The following ABCB5 variants were observed in gnomAD, a reference collection of about 807,000 sequenced individuals.
ABCB5 encodes ATP binding cassette subfamily B member 5.
Under a neutral mutation model 144.2 loss-of-function variants are expected in ABCB5, and 155 were observed. The observed-to-expected ratio is 1.08, with a 90% CI of 0.94 to 1.23. The LOEUF (loss-of-function observed/expected upper bound fraction) is 1.23, where lower values mean the gene tolerates loss of function less well. Ranked by LOEUF, ABCB5 falls within the 50% of genes most tolerant of loss-of-function variation. ABCB5 has a pLI of 0.00. For missense variants in ABCB5, 1,830 were observed against 1,520.8 expected (o/e 1.20, Z -3.38); for synonymous variants, 610 against 528.6 (o/e 1.15, Z -2.11).
At chr7:20,686,945 T>G (rs1014087148) in intron 16 of ABCB5, among the ~76,000 whole-genome samples, 5 of 152,188 alleles carry the variant, frequency 3.3e-5, no homozygotes, top group African/African-American at 4.8e-5. Flanking sequence ...GCTTTTAATT[T>G]TAGCTACAAC....
intron 23 of ABCB5, among the ~76,000 whole-genome samples, chr7:20,731,057 T>TA (rs113166246): frequency 6.0e-5 from 9 of 150,766 alleles, no homozygotes; most frequent in Non-Finnish European, 8.9e-5. Flanking sequence ...ATCACACCTA[T>TA]AAAAAAAAAT....
chr7:20,704,913 A>C (rs948588861), intron 20 of ABCB5, 106 bp downstream of exon 20: 7 of 816,580 alleles, frequency 8.6e-6, no homozygotes, highest in Non-Finnish European at 1.3e-5. Flanking sequence ...GATGACCCAC[A>C]TCATTAATGA....
rs142671659 is a variant in ABCB5 at position 20,740,218 on chromosome 7, C to T, written c.3024+1079C>T. On this transcript the variant is annotated intron_variant, in intron 24 of 27. Transcript: ENST00000404938. ...TCACGCCACTGCACCCCAGCTTGGG[C>T]GACAGAGCGAGACTTGCTCTCAAAA... Among the ~76,000 whole-genome samples the T allele has an allele frequency of 5.9e-5, 9 of 152,128 alleles. No homozygotes were observed. In the East Asian group the frequency reaches 1.3e-3, roughly 23 times the overall value.
At chr7:20,666,027 G>A (rs991206984) in intron 14 of ABCB5, among the ~76,000 whole-genome samples, 5 of 151,984 alleles carry the variant, frequency 3.3e-5, no homozygotes, top group Admixed American at 6.6e-5. Flanking sequence ...AAAATTAGCC[G>A]GGCGTGGTGG....
chr7:20,680,990 C>G (rs1785778390), intron 14 of ABCB5, among the ~76,000 whole-genome samples: 1 of 15,500 alleles, frequency 6.5e-5, no homozygotes, highest in South Asian at 3.4e-3. Context: ...TTCTTTCTTT[C>G]TTTCTTTCTT....
intron 14 of ABCB5, among the ~76,000 whole-genome samples, chr7:20,669,826 G>A (rs980925659): frequency 6.7e-6 from 1 of 149,528 alleles, no homozygotes; most frequent in Non-Finnish European, 1.5e-5. Flanking sequence ...AGGTGCCTGA[G>A]TGTTTTTGCC....
intron 14 of ABCB5, chr7:20,659,939 C>T: frequency 1.0e-6 from 1 of 979,166 alleles, no homozygotes; most frequent in South Asian, 4.7e-5. Context: ...CCACCTCGGC[C>T]TCCCAAAGTG....
In ABCB5 at chr7:20,647,935, G is replaced by A. The variant is rs755587897; in HGVS notation, c.1096-33G>A. On this transcript the variant is annotated intron_variant, in intron 10 of 27. Transcript: ENST00000404938. The stretch of plus-strand genomic sequence containing the variant: ...GTAGAGACTGTCAGTTTACTCCTTT[G>A]AAGATTTATAACATTTCCTTTGTTT... 3.6e-6 allele frequency: 5 copies of A among 1,379,136 alleles called. No homozygotes were observed. The East Asian group carries it at 1.1e-4, about 32-fold the overall frequency. 85.4% of individuals were successfully genotyped at this position (1,379,136 alleles called of 1,614,324 possible).
intron 23 of ABCB5, among the ~76,000 whole-genome samples, chr7:20,733,624 C>CTCTTT (rs71555818): frequency 7.9e-5 from 12 of 150,978 alleles, no homozygotes; most frequent in African/African-American, 1.7e-4. Flanking sequence ...CACTTTTCTT[C>CTCTTT]TCTTTTCTTT....
In ABCB5 at chr7:20,646,221, ATATTCAAAGATGGATGTTTT is replaced by A. The variant is rs933981432; in HGVS notation, c.981+88_981+107del. 11 of 1,283,358 alleles carry A rather than the reference ATATTCAAAGATGGATGTTTT, an allele frequency of 8.6e-6. No individual in the cohort carries two copies. In the African/African-American group the frequency reaches 1.7e-4, roughly 19 times the overall value. 79.5% of individuals were successfully genotyped at this position (1,283,358 alleles called of 1,614,324 possible). On this transcript the variant is annotated intron_variant, in intron 9 of 27. Transcript: ENST00000404938. Reference sequence around the variant, plus strand: ...AGCCAAAATTCCTCTTTGAAGATAAATATTCAAAGATGGATGTTTTTATTAAACAAATATTTGTTTCCCTC... The same window carrying A: ...AGCCAAAATTCCTCTTTGAAGATAAATATTAAACAAATATTTGTTTCCCTC...
chr7:20,665,724 AAGATAGATAGATAGAT>A (rs35101575), intron 14 of ABCB5, among the ~76,000 whole-genome samples: 1 of 134,504 alleles, frequency 7.4e-6, no homozygotes, highest in East Asian at 2.1e-4. Context: ...TAGAGATGGA[AAGATAGATAGATAGAT>A]AGATAGATAG....
intron 16 of ABCB5, among the ~76,000 whole-genome samples, chr7:20,687,060 A>G (rs1349673901): frequency 1.3e-5 from 2 of 152,170 alleles, no homozygotes; most frequent in African/African-American, 4.8e-5. Context: ...ATAAGCATGC[A>G]AAGAAAAATA....
intron 26 of ABCB5, among the ~76,000 whole-genome samples, chr7:20,749,489 C>T (rs1260495812): frequency 1.3e-5 from 2 of 149,108 alleles, no homozygotes; most frequent in African/African-American, 5.0e-5. Flanking sequence ...CCACCCGCCT[C>T]GGCTTCCCAA....
intron 14 of ABCB5, among the ~76,000 whole-genome samples, chr7:20,674,080 C>T (rs1034622068): frequency 6.6e-6 from 1 of 151,812 alleles, no homozygotes; most frequent in Non-Finnish European, 1.5e-5. Context: ...TAAGCTATTG[C>T]GATTAGACAT....
chr7:20,653,086 C>G (rs1784655248), intron 13 of ABCB5, among the ~76,000 whole-genome samples: 1 of 152,152 alleles, frequency 6.6e-6, no homozygotes, highest in Non-Finnish European at 1.5e-5. Context: ...ATGTTTTGCC[C>G]CTTTCAATGA....
chr7:20,689,437 A>C (rs1786130929), intron 16 of ABCB5, among the ~76,000 whole-genome samples: 2 of 152,192 alleles, frequency 1.3e-5, no homozygotes, highest in African/African-American at 2.4e-5. Context: ...ACTACTGGCC[A>C]CTGAGCACTA....
intron 1 of ABCB5, 114 bp from the exon 2 acceptor site, chr7:20,623,151 C>G (rs1479506554): frequency 7.3e-6 from 5 of 682,890 alleles, no homozygotes; most frequent in African/African-American, 1.8e-5. Flanking sequence ...GGGCGAAATT[C>G]TGAGATGCTT....
intron 24 of ABCB5, among the ~76,000 whole-genome samples, chr7:20,742,579 C>T (rs1408028895): frequency 6.6e-6 from 1 of 152,134 alleles, no homozygotes; most frequent in Admixed American, 6.5e-5. Flanking sequence ...ATAAGCTGGT[C>T]AAACAACCAA....
intron 1 of ABCB5, among the ~76,000 whole-genome samples, chr7:20,620,805 A>G (rs1353116929): frequency 6.6e-6 from 1 of 152,196 alleles, no homozygotes; most frequent in South Asian, 2.1e-4. Flanking sequence ...AATGTAAAAT[A>G]ATACAGCTGC....
Sources: gnomAD v4.1 joint callset for allele counts (sites outside exome capture counted in the v4.1 genomes callset) on GRCh38, gnomAD v4.1.1 for gene constraint, MANE v1.5 for transcripts, NCBI Gene and HGNC (gene_info 2026-07-23, HGNC 2026-07-21) for gene names.